Variants in ADGRL3 observed in about 807,000 individuals in gnomAD.
ADGRL3 encodes adhesion G protein-coupled receptor L3, also known as calcium-independent alpha-latrotoxin receptor 3.
Under a neutral mutation model 153.5 loss-of-function variants are expected in ADGRL3, and 62 were observed. The observed-to-expected ratio is 0.40, with a 90% confidence interval of 0.33 to 0.50. ADGRL3 has a LOEUF of 0.50. Ranked by LOEUF, ADGRL3 falls within the 20% of genes least tolerant of loss-of-function variation. The pLI is 0.47. For missense variants in ADGRL3, 1,641 were observed against 1,859.4 expected, an observed-to-expected ratio of 0.88 and a Z score of 2.16; for synonymous variants, 710 against 672.5, an observed-to-expected ratio of 1.06 and a Z score of -0.86.
chr4:61,926,490 C>T (rs1480035485), intron 13 of ADGRL3, among the ~76,000 whole-genome samples: 1 of 152,078 alleles, frequency 6.6e-6, no homozygotes, highest in African/African-American at 2.4e-5. Context: ...TTGGAATAAT[C>T]TCTGCTTTTC....
chr4:61,898,390 G>A (rs2098643808), intron 11 of ADGRL3, among the ~76,000 whole-genome samples: 1 of 152,068 alleles, frequency 6.6e-6, no homozygotes, highest in African/African-American at 2.4e-5. Flanking sequence ...AGTGAGTTTA[G>A]GAGCAGAGTT....
At chr4:61,299,978 A>T (rs1265357918) in intron 1 of ADGRL3, among the ~76,000 whole-genome samples, 1 of 152,118 alleles carries the variant, frequency 6.6e-6, no homozygotes, top group African/African-American at 2.4e-5. Flanking sequence ...TTTTCTTTTT[A>T]TAGACAAGCC....
chr4:61,432,600 T>C lies in ADGRL3; in HGVS notation c.-174+49411T>C, dbSNP rs1470884748. ...TTTCTTTCTTTCTTTCTTTCTTTCT[T>C]TCTTTCTTTCTTTCTTTCTTTCTTT... is the stretch of plus-strand genomic sequence containing the variant. On this transcript the variant is annotated intron_variant, in intron 2 of 26. Coordinates refer to ENST00000683033, the MANE Select transcript of ADGRL3 (RefSeq NM_001387552.1). Among the ~76,000 whole-genome samples, 36 of 45,998 alleles carry C rather than the reference T, an allele frequency of 7.8e-4. 8 individuals are homozygous for C. The highest frequency in any genetic ancestry group is 2.0e-3 in the Admixed American group (8 of 4,078). 30.2% of individuals were successfully genotyped at this position (45,998 alleles called of 152,430 possible).
intron 5 of ADGRL3, among the ~76,000 whole-genome samples, chr4:61,591,850 G>T (rs975640374): frequency 2.0e-5 from 3 of 151,888 alleles, no homozygotes; most frequent in African/African-American, 7.3e-5. Context: ...GCCGAGGCAG[G>T]AGTATTGCTT....
chr4:61,224,109 G>A (rs191556060), intron 1 of ADGRL3, among the ~76,000 whole-genome samples: 5 of 151,220 alleles, frequency 3.3e-5, no homozygotes, highest in African/African-American at 7.3e-5. Context: ...AATAATCTTC[G>A]TGTATACTGT....
At chr4:61,711,170 T>C (rs78638878) in intron 6 of ADGRL3, among the ~76,000 whole-genome samples, 4,835 of 152,080 alleles carry the variant, frequency 0.032, 237 homozygotes, top group African/African-American at 0.11. Flanking sequence ...CAACTTCTTC[T>C]TATATCAGGG....
At chr4:61,320,132 T>C (rs534254465) in intron 1 of ADGRL3, among the ~76,000 whole-genome samples, 1 of 152,280 alleles carries the variant, frequency 6.6e-6, no homozygotes, top group Non-Finnish European at 1.5e-5. Flanking sequence ...ACCCCTCTTC[T>C]GGAAATGAAT....
At chr4:61,995,957 C>T (rs1328630153) in intron 19 of ADGRL3, among the ~76,000 whole-genome samples, 2 of 152,106 alleles carry the variant, frequency 1.3e-5, no homozygotes, top group Non-Finnish European at 2.9e-5. Context: ...AAAAGGATAG[C>T]TTAAAGCTAC....
Position 62,072,958 on chromosome 4 carries a change from C to T in ADGRL3, c.*2050C>T, listed in dbSNP as rs967646999. 6 of 151,998 alleles carry T rather than the reference C, an allele frequency of 3.9e-5. No individual in the cohort carries two copies. Among genetic ancestry groups the T allele is most frequent in the African/African-American group, 1.2e-4 (5 of 41,406 alleles). The allele number at this position is 151,998 out of a possible 1,614,324, so 9.4% of individuals were successfully genotyped here. On this transcript the variant is annotated 3_prime_UTR_variant, in exon 27 of 27. Transcript: ENST00000683033. ...TTCTTATTCTATATATGAGGGAAAT[C>T]GGAAAAGATAAAGAAGTTCTTTCAA...
At chr4:61,759,158 G>A (rs2152144055) in intron 8 of ADGRL3, among the ~76,000 whole-genome samples, 1 of 150,310 alleles carries the variant, frequency 6.7e-6, no homozygotes, top group East Asian at 2.0e-4. Flanking sequence ...ATTATGTGTT[G>A]CTCTTCTCGA....
intron 1 of ADGRL3, among the ~76,000 whole-genome samples, chr4:61,295,816 A>G (rs1403219009): frequency 2.0e-5 from 3 of 151,670 alleles, no homozygotes; most frequent in Non-Finnish European, 4.4e-5. Flanking sequence ...AAAAAAAAAA[A>G]AAGAAAAAAG....
In ADGRL3 at chr4:61,895,821, A is replaced by G. The variant is rs973364909; in HGVS notation, c.1874A>G (p.His625Arg). ...LSNCSSPWVN[H>R]ITQKLKSGET... ...AACTGTTCTTCTCCTTGGGTCAATC[A>G]TATAACACAGAAGGTAAATCTTGTG... Residue 625 changes from histidine (H) to arginine (R), a missense_variant, in exon 11 of 27, where the codon CAT becomes CGT. By Grantham distance (29) the His-to-Arg change is conservative. Coordinates refer to ENST00000683033, the MANE Select transcript of ADGRL3 (RefSeq NM_001387552.1). 2.5e-6 allele frequency: 4 copies of G among 1,577,666 alleles called. No homozygotes were observed. The highest frequency in any genetic ancestry group is 1.8e-5 in the Admixed American group (1 of 56,084).
At chr4:61,399,471 C>A (rs1402898824) in intron 2 of ADGRL3, among the ~76,000 whole-genome samples, 2 of 151,556 alleles carry the variant, frequency 1.3e-5, no homozygotes, top group African/African-American at 4.8e-5. Flanking sequence ...CCAATTTCAT[C>A]TTTTTAGGTT....
intron 8 of ADGRL3, among the ~76,000 whole-genome samples, chr4:61,786,910 A>C (rs190607836): frequency 4.0e-4 from 61 of 152,312 alleles, no homozygotes; most frequent in Middle Eastern, 3.4e-3. Context: ...TCTTAAGCTG[A>C]TTACTTACGA....
intron 8 of ADGRL3, among the ~76,000 whole-genome samples, chr4:61,746,847 T>C (rs1411051613): frequency 6.6e-6 from 1 of 151,548 alleles, no homozygotes; most frequent in East Asian, 1.9e-4. Flanking sequence ...AGGCAAGAAA[T>C]AACTAAGATC....
chr4:61,905,523 G>T (rs2098691167), intron 11 of ADGRL3, among the ~76,000 whole-genome samples: 1 of 152,012 alleles, frequency 6.6e-6, no homozygotes, highest in Non-Finnish European at 1.5e-5. Flanking sequence ...AGTCTTACAG[G>T]TATTTTAGGT....
chr4:61,990,808 T>C (rs1252115127), intron 19 of ADGRL3, among the ~76,000 whole-genome samples: 1 of 152,004 alleles, frequency 6.6e-6, no homozygotes, highest in African/African-American at 2.4e-5. Context: ...ACAGAGAGTT[T>C]GGAGTCAGGT....
intron 9 of ADGRL3, among the ~76,000 whole-genome samples, chr4:61,843,767 G>T (rs1192980878): frequency 6.6e-6 from 1 of 152,074 alleles, no homozygotes; most frequent in Non-Finnish European, 1.5e-5. Flanking sequence ...ATTCCAGCAT[G>T]CTGGGAAGCC....
Position 61,892,842 on chromosome 4 carries a change from C to T in ADGRL3, c.1667C>T (p.Ser556Leu), listed in dbSNP as rs574618340. 3 of 1,613,480 alleles carry T rather than the reference C, an allele frequency of 1.9e-6. No homozygotes were observed. Among genetic ancestry groups the T allele is most frequent in the African/African-American group, 2.7e-5 (2 of 75,010 alleles). The change falls in exon 10 of 27, where the codon TCG becomes TTG. Residue 556 changes from serine (S) to leucine (L), a missense_variant. This residue lies in a region of ADGRL3 where 734 missense variants were observed against 797.0 expected (regional missense o/e 0.92). Coordinates refer to ENST00000683033, the MANE Select transcript of ADGRL3 (RefSeq NM_001387552.1). Reference protein sequence around the residue: ...DDMTTHLPSASSQIPALEESC... With the variant: ...DDMTTHLPSALSQIPALEESC... The stretch of plus-strand genomic sequence containing the variant: ...ATGACCACACACCTTCCATCAGCAT[C>T]GTCCCAAATCCCAGCTCTCGAAGAG...
Sources: gnomAD v4.1 joint callset for allele counts (sites outside exome capture counted in the v4.1 genomes callset) on GRCh38, gnomAD v4.1.1 for gene constraint, gnomAD v4.1.1 regional missense constraint, MANE v1.5 for transcripts, NCBI Gene and HGNC (gene_info 2026-07-23, HGNC 2026-07-21) for gene names.